Variants in TAF1D observed in about 807,000 individuals in gnomAD.
The protein encoded by TAF1D is TATA box-binding protein-associated factor RNA polymerase I subunit D.
Under a neutral mutation model 26.2 loss-of-function variants are expected in TAF1D, and 23 were observed. That is an observed-to-expected ratio of 0.88 (90% CI 0.63 to 1.25). The LOEUF is 1.25. Among genes scored for constraint, TAF1D ranks in the 50% most tolerant of loss-of-function variants. TAF1D has a pLI of 0.00. For missense variants in TAF1D, 299 were observed against 322.0 expected (o/e 0.93, Z 0.55); for synonymous variants, 100 against 105.6 (o/e 0.95, Z 0.33).
chr11:93,730,220 T>G (rs1400123764), exon 12 of TAF1D: 33 of 1,551,272 alleles, frequency 2.1e-5, no homozygotes, highest in Non-Finnish European at 2.6e-5. Context: ...AAATTTTTAT[T>G]CCTTCCACAG....
intron 4 of TAF1D, 105 bp downstream of exon 4, chr11:93,736,959 G>A: frequency 1.7e-6 from 2 of 1,148,230 alleles, no homozygotes; most frequent in Middle Eastern, 5.9e-4. Flanking sequence ...CTGTATCTTT[G>A]TTCATTATTT....
At chr11:93,731,864 TACC>T (rs1173976739), downstream of TAF1D, 2 of 368,226 alleles carry the variant, frequency 5.4e-6, no homozygotes, top group Non-Finnish European at 1.1e-5. Context: ...CAGTAATGTA[TACC>T]ACATTACAAT....
At chr11:93,733,069 G>C (rs1280119243), downstream of TAF1D, 1 of 339,976 alleles carries the variant, frequency 2.9e-6, no homozygotes, top group Non-Finnish European at 5.8e-6. Context: ...ATTATTATAA[G>C]TTAAATATTT....
At chr11:93,735,068 A>AT (rs762445521), downstream of TAF1D, 9 of 1,300,532 alleles carry the variant, frequency 6.9e-6, no homozygotes, top group Non-Finnish European at 9.1e-6. Flanking sequence ...ACCAACCTTT[A>AT]TGGCTATCAA....
chr11:93,740,160 T>G (rs1341686157), intron 1 of TAF1D, among the ~76,000 whole-genome samples: 1 of 151,162 alleles, frequency 6.6e-6, no homozygotes, highest in Admixed American at 6.6e-5. Flanking sequence ...AATACGGAAA[T>G]TAGCCAGAAT....
rs1941330950 is a variant in TAF1D, at chr11:93,739,227, A to G, written c.68+10T>C. On this transcript the variant is annotated intron_variant, in intron 2 of 5. Transcript: ENST00000448108. ...ATTCAGATACAATAAACATGATTGA[A>G]TCCACTCACCTTCGATTTGCAAGTT... 1 of 1,598,736 alleles carries G rather than the reference A, an allele frequency of 6.3e-7. No homozygotes were observed. The highest frequency in any genetic ancestry group is 1.7e-4 in the Middle Eastern group (1 of 6,034).
intron 3 of TAF1D, 87 bp from the exon 4 acceptor site, chr11:93,737,326 CT>C: frequency 1.2e-6 from 1 of 864,122 alleles, no homozygotes; most frequent in Non-Finnish European, 1.8e-6. Context: ...AATGCCCCCC[CT>C]TAGCAAAGAC....
At position 93,739,307 on chromosome 11, in the gene TAF1D, A is replaced by G; in HGVS notation, c.-3T>C. 1 of 1,604,318 alleles carries G rather than the reference A, an allele frequency of 6.2e-7. No homozygotes were observed. The highest frequency in any genetic ancestry group is 8.5e-7 in the Non-Finnish European group (1 of 1,177,382). ...GAATCTATTCCTGATTTATCCATCA[A>G]TTGCTCTTTGTTTTAAACAGTTTTC... On this transcript the variant is annotated 5_prime_UTR_variant, in exon 2 of 6. Coordinates refer to ENST00000448108, the MANE Select transcript of TAF1D (RefSeq NM_024116.4).
downstream of TAF1D, chr11:93,732,187 T>TG (rs1438344288): frequency 1.0e-4 from 51 of 505,148 alleles, no homozygotes; most frequent in East Asian, 2.8e-3. Flanking sequence ...CTTGTTATGC[T>TG]GGCAGTGCTA....
At chr11:93,734,268 T>C (rs532277639), downstream of TAF1D, 14 of 170,544 alleles carry the variant, frequency 8.2e-5, no homozygotes, top group Admixed American at 7.5e-4. Flanking sequence ...TGAATTCTTA[T>C]GACCTGTGTA....
chr11:93,740,216 T>C (rs1044107349), intron 1 of TAF1D, among the ~76,000 whole-genome samples: 2 of 151,604 alleles, frequency 1.3e-5, no homozygotes, highest in African/African-American at 4.8e-5. Context: ...GTGGAATACC[T>C]GAGCCTGGGA....
downstream of TAF1D, chr11:93,733,636 G>A (rs753680586): frequency 1.4e-5 from 7 of 500,814 alleles, no homozygotes; most frequent in Admixed American, 1.3e-4. Context: ...TAAAGACACA[G>A]GATCTGCCAT....
Position 93,737,069 on chromosome 11 carries a change from C to T in TAF1D, c.630G>A (p.Glu210=). 1 of 1,592,660 alleles carries T rather than the reference C, an allele frequency of 6.3e-7. No homozygotes were observed. Among genetic ancestry groups the T allele is most frequent in the Non-Finnish European group, 8.5e-7 (1 of 1,171,796 alleles). Residue 210 remains glutamate, a synonymous_variant, in exon 4 of 6, where the codon GAG becomes GAA. Transcript: ENST00000448108. Reference sequence around the variant, plus strand: ...TTTCATATGATTCCACTTACGTTGACTCCTCAATAGGAGAAATGGATCCAT... The same window carrying T: ...TTTCATATGATTCCACTTACGTTGATTCCTCAATAGGAGAAATGGATCCAT... ...DDDGSISPIE[E]STAEDEDATH...
chr11:93,740,006 TAAAAGAA>T (rs982820669), intron 1 of TAF1D, among the ~76,000 whole-genome samples: 4 of 127,992 alleles, frequency 3.1e-5, no homozygotes, highest in East Asian at 2.1e-4. Context: ...TCTTGTGAGC[TAAAAGAA>T]AAAAGAAAAA....
intron 3 of TAF1D, 101 bp downstream of exon 3, chr11:93,738,006 GAC>G (rs1941151521): frequency 3.0e-6 from 4 of 1,355,472 alleles, no homozygotes; most frequent in African/African-American, 3.0e-5. Context: ...CAAAATTGCA[GAC>G]AGTCTGTTCC....
At chr11:93,736,390 T>G (rs1940754100) in intron 5 of TAF1D, 86 bp from the exon 6 acceptor site, 7 of 1,465,362 alleles carry the variant, frequency 4.8e-6, no homozygotes, top group Non-Finnish European at 6.3e-6. Flanking sequence ...CTGGATTACT[T>G]CAGATAACCT....
At position 93,735,988 on chromosome 11, in the gene TAF1D, C is replaced by T. The variant is rs1940684323; in HGVS notation, c.*173G>A. 1.4e-6 allele frequency: 2 copies of T among 1,379,480 alleles called. No individual in the cohort carries two copies. The highest frequency in any genetic ancestry group is 2.7e-4 in the Middle Eastern group (1 of 3,704). The allele number at this position is 1,379,480 out of a possible 1,614,324, so 85.5% of individuals were successfully genotyped here. ...TTTTTTTCTAATTATTACTACTTCA[C>T]AAGTTTCTTTCACAAACTTCTTCAC... On this transcript the variant is annotated 3_prime_UTR_variant, in exon 6 of 6. Transcript: ENST00000448108.
downstream of TAF1D, chr11:93,731,165 T>C (rs1329555287): frequency 2.1e-6 from 1 of 467,966 alleles, no homozygotes; most frequent in Non-Finnish European, 4.1e-6. Context: ...TTACTTTGGC[T>C]TCTGTCATCT....
At chr11:93,734,575 G>A, downstream of TAF1D, 1 of 495,834 alleles carries the variant, frequency 2.0e-6, no homozygotes, top group Admixed American at 2.4e-5. Flanking sequence ...ACAACATACT[G>A]TTTCCTACAC....
Sources: gnomAD v4.1 joint callset for allele counts (sites outside exome capture counted in the v4.1 genomes callset) on GRCh38, gnomAD v4.1.1 for gene constraint, MANE v1.5 for transcripts, NCBI Gene and HGNC (gene_info 2026-07-23, HGNC 2026-07-21) for gene names.